DDX50: variants seen among roughly 807,000 people sequenced by gnomAD.
DDX50 encodes the protein DExD-box helicase 50, also known as ATP-dependent RNA helicase DDX50.
Under a neutral mutation model 94.8 loss-of-function variants are expected in DDX50, and 56 were observed. That is an observed-to-expected ratio of 0.59 (90% CI 0.48 to 0.74). The LOEUF is 0.74. Ranked by LOEUF, DDX50 falls within the 30% of genes least tolerant of loss-of-function variation. The pLI, the probability that DDX50 is intolerant of heterozygous loss-of-function variation, is 0.00. For missense variants in DDX50, 713 were observed against 881.2 expected (o/e 0.81, Z 2.42); for synonymous variants, 264 against 295.4 (o/e 0.89, Z 1.09).
chr10:68,942,144 A>G (rs1419825767), intron 13 of DDX50, among the ~76,000 whole-genome samples: 1 of 152,228 alleles, frequency 6.6e-6, no homozygotes, highest in African/African-American at 2.4e-5. Context: ...AAACAGCTCT[A>G]TAATTTTGAG....
chr10:68,939,790 G>A (rs1021931426), intron 12 of DDX50, among the ~76,000 whole-genome samples: 16 of 151,868 alleles, frequency 1.1e-4, no homozygotes, highest in African/African-American at 3.6e-4. Flanking sequence ...ATTCCTGTTC[G>A]TGACGCTTAT....
chr10:68,905,105 G>A (rs1165195787), intron 1 of DDX50, among the ~76,000 whole-genome samples: 1 of 152,034 alleles, frequency 6.6e-6, no homozygotes, highest in East Asian at 1.9e-4. Context: ...TTGTAGAGAC[G>A]GGGTTTCCCC....
chr10:68,935,912 A>G (rs945685887), intron 10 of DDX50, 94 bp from the exon 11 acceptor site: 3 of 846,332 alleles, frequency 3.5e-6, no homozygotes, highest in Admixed American at 5.4e-5. Flanking sequence ...CTTTAAATGC[A>G]AGAAATAGAA....
chr10:68,923,846 A>G (rs1564609689), intron 8 of DDX50, among the ~76,000 whole-genome samples: 1 of 147,288 alleles, frequency 6.8e-6, no homozygotes. Context: ...ACCCGGCCAT[A>G]TATGTTTGTT....
chr10:68,934,349 T>A lies in DDX50; in HGVS notation c.1390T>A (p.Ser464Thr), dbSNP rs756260784. The change falls in exon 9 of 15, where the codon TCT becomes ACT. Residue 464 changes from serine to threonine, a missense_variant. This residue lies in a region of DDX50 where 428 missense variants were observed against 602.3 expected (regional missense o/e 0.71). Transcript: ENST00000373585. The surrounding 1 kb of genome is among the most constrained non-coding windows in gnomAD (Gnocchi z 4.0). ...IPEVDLVIQSSPPQDVESYIH... is the reference protein window; with the variant it reads ...IPEVDLVIQSTPPQDVESYIH... ...TGAAGTTGACCTGGTGATTCAAAGTTCTCCTCCTCAGGTAGGAAATGGGAT... is the reference window on the plus strand; with the variant it reads ...TGAAGTTGACCTGGTGATTCAAAGTACTCCTCCTCAGGTAGGAAATGGGAT... 1 of 1,613,458 alleles carries A rather than the reference T, an allele frequency of 6.2e-7. No individual in the cohort carries two copies.
intron 2 of DDX50, 78 bp from the exon 3 acceptor site, chr10:68,910,229 A>T: frequency 1.6e-6 from 2 of 1,240,256 alleles, no homozygotes; most frequent in Non-Finnish European, 2.3e-6. Context: ...CTTGTAAGTT[A>T]ATCTGTAAAA....
rs762917933 is a variant in DDX50 at position 68,919,846 on chromosome 10, G to A, written c.1104G>A (p.Gln368=). The A allele has an allele frequency of 6.2e-6, 10 of 1,613,528 alleles. No individual in the cohort carries two copies. Among genetic ancestry groups the A allele is most frequent in the Non-Finnish European group, 8.5e-6 (10 of 1,179,850 alleles). The change falls in exon 8 of 15, where the codon CAG becomes CAA. Residue 368 remains glutamine (Q), a synonymous_variant. Transcript: ENST00000373585. ...TTTCTTCAAAGCATTTGGCCATCCA[G>A]TGTCATTGGTCTCAGAGGCCAGCAG... ...AATTVEHLAI[Q]CHWSQRPAVI... is the part of the protein sequence containing the mutation.
intron 13 of DDX50, among the ~76,000 whole-genome samples, chr10:68,941,538 G>A (rs140232368): frequency 2.0e-5 from 3 of 152,184 alleles, no homozygotes; most frequent in African/African-American, 7.2e-5. Flanking sequence ...GCCCAGGCTG[G>A]TCTTGAACTC....
In DDX50 at chr10:68,934,169, C is replaced by T. The variant is rs1842345849; in HGVS notation, c.1240-30C>T. On this transcript the variant is annotated intron_variant, in intron 8 of 14. Coordinates refer to ENST00000373585, the MANE Select transcript of DDX50 (RefSeq NM_024045.2). The surrounding 1 kb of genome is among the most constrained non-coding windows in gnomAD (Gnocchi z 4.0). ...CTATCAGTTGCAAGTATGAGCTGTACACTTAATTTTCTCCCCCTTTCTCAA... is the reference window on the plus strand; with the variant it reads ...CTATCAGTTGCAAGTATGAGCTGTATACTTAATTTTCTCCCCCTTTCTCAA... 6.2e-7 allele frequency: 1 copy of T among 1,603,946 alleles called. No homozygotes were observed. The highest frequency in any genetic ancestry group is 8.5e-7 in the Non-Finnish European group (1 of 1,175,762).
At chr10:68,939,334 A>G (rs1241907064) in intron 12 of DDX50, among the ~76,000 whole-genome samples, 3 of 152,300 alleles carry the variant, frequency 2.0e-5, no homozygotes, top group Middle Eastern at 6.8e-3. Context: ...AGAAGTACCT[A>G]AGAAGTTATT....
rs1336562173 is a variant in DDX50 at position 68,919,273 on chromosome 10, C to T, written c.1090-559C>T. The stretch of plus-strand genomic sequence containing the variant: ...CACTTAGCATAATGTTTTTGAGGTT[C>T]ATTCATATAATTTTTATTATGTACA... On this transcript the variant is annotated intron_variant, in intron 7 of 14. Coordinates refer to ENST00000373585, the MANE Select transcript of DDX50 (RefSeq NM_024045.2). Among the ~76,000 whole-genome samples the T allele has an allele frequency of 3.9e-5, 6 of 152,118 alleles. No individual in the cohort carries two copies. The East Asian group carries it at 1.2e-3, about 29-fold the overall frequency.
intron 8 of DDX50, among the ~76,000 whole-genome samples, chr10:68,927,584 G>A (rs958629331): frequency 2.6e-5 from 4 of 152,224 alleles, no homozygotes; most frequent in South Asian, 2.1e-4. Context: ...ACATACTTAC[G>A]TACATATATT....
At chr10:68,923,848 ATGTT>A (rs1240047001) in intron 8 of DDX50, among the ~76,000 whole-genome samples, 4 of 143,184 alleles carry the variant, frequency 2.8e-5, no homozygotes, top group Admixed American at 7.2e-5. Flanking sequence ...CCGGCCATAT[ATGTT>A]TGTTTGAGTT....
chr10:68,930,898 C>T (rs1306396619), intron 8 of DDX50, among the ~76,000 whole-genome samples: 2 of 152,132 alleles, frequency 1.3e-5, no homozygotes, highest in Admixed American at 6.5e-5. Flanking sequence ...AGCCATCTCC[C>T]GCTTTGGCCT....
chr10:68,937,200 T>G, intron 12 of DDX50, 105 bp downstream of exon 12: 26 of 1,252,748 alleles, frequency 2.1e-5, no homozygotes, highest in Non-Finnish European at 2.6e-5. Context: ...AAAAACTGTT[T>G]TGCTCTATGA....
chr10:68,922,775 A>G (rs911023465), intron 8 of DDX50, among the ~76,000 whole-genome samples: 33 of 149,316 alleles, frequency 2.2e-4, no homozygotes, highest in South Asian at 2.1e-3. Context: ...CTTGGGTGAC[A>G]GAGTATGACC....
chr10:68,936,880 C>G (rs201501705), intron 11 of DDX50, 56 bp from the exon 12 acceptor site: 56 of 1,474,860 alleles, frequency 3.8e-5, no homozygotes, highest in Non-Finnish European at 4.9e-5. Flanking sequence ...CATTTTTCTT[C>G]TTATCTTTTA....
At chr10:68,931,821 T>G (rs1290246591) in intron 8 of DDX50, among the ~76,000 whole-genome samples, 1 of 152,134 alleles carries the variant, frequency 6.6e-6, no homozygotes, top group Admixed American at 6.6e-5. Context: ...TCCAATCTCA[T>G]CTCTCACTCC....
chr10:68,932,969 A>G (rs1180765225), intron 8 of DDX50, among the ~76,000 whole-genome samples: 2 of 152,130 alleles, frequency 1.3e-5, no homozygotes, highest in Non-Finnish European at 2.9e-5. Flanking sequence ...CAGAAATTCA[A>G]CTTCTAGATA....
Sources: allele counts gnomAD v4.1 joint callset (sites outside exome capture counted in the v4.1 genomes callset), GRCh38; gene constraint gnomAD v4.1.1; regional missense constraint gnomAD v4.1.1; non-coding constraint Gnocchi (gnomAD v3.1); transcripts MANE v1.5; gene names NCBI Gene and HGNC (gene_info 2026-07-23, HGNC 2026-07-21).